The following KMT2C variants were observed in gnomAD, a reference collection of about 807,000 sequenced individuals.
KMT2C encodes the protein lysine methyltransferase 2C, also known as histone-lysine N-methyltransferase 2C.
KMT2C carries 88 observed loss-of-function variants against 507.9 expected under a neutral mutation model. That is an observed-to-expected ratio of 0.17 (90% CI 0.15 to 0.21). The LOEUF (loss-of-function observed/expected upper bound fraction) is 0.21. KMT2C is among the 10% of genes least tolerant of loss of function. The probability of loss-of-function intolerance (pLI) is 1.00; values close to 1 mark genes in which losing one functional copy is unlikely to be tolerated. For synonymous variants in KMT2C, 2,049 were observed against 2,080.8 expected (o/e 0.98, Z 0.42); for missense variants, 4,954 against 5,957.8 (o/e 0.83, Z 5.55).
At chr7:152,297,450 T>G (rs1046171134) in intron 6 of KMT2C, among the ~76,000 whole-genome samples, 3 of 152,092 alleles carry the variant, frequency 2.0e-5, no homozygotes, top group Admixed American at 2.0e-4. Context: ...ATGAGGAAAC[T>G]ATGAGAATCC....
chr7:152,138,991 G>T lies in KMT2C; in HGVS notation c.14535-87C>A. 2.7e-6 allele frequency: 3 copies of T among 1,128,534 alleles called. No homozygotes were observed. Among genetic ancestry groups the T allele is most frequent in the South Asian group, 1.3e-5 (1 of 77,356 alleles). The allele number at this position is 1,128,534 out of a possible 1,614,324, so 69.9% of individuals were successfully genotyped here. A position where few individuals can be genotyped will look rare whatever the true frequency, so the allele number is the denominator to read the frequency against. On this transcript the variant is annotated intron_variant, in intron 57 of 58. Coordinates refer to ENST00000262189, the MANE Select transcript of KMT2C (RefSeq NM_170606.3). This position sits in a 1 kb window ranked among gnomAD's most constrained non-coding sequence, Gnocchi z 4.2. ...CCCATTTATTGATAAAGCAGTTTTT[G>T]CTAATTAAATTTCTATTTGCCCATT...
At chr7:152,416,835 T>C (rs997422720) in intron 1 of KMT2C, among the ~76,000 whole-genome samples, 5 of 151,086 alleles carry the variant, frequency 3.3e-5, no homozygotes, top group Middle Eastern at 3.4e-3. Flanking sequence ...GCAGGTCACT[T>C]GAGACAGGAG....
rs2094857425 is a variant in KMT2C at position 152,224,073 on chromosome 7, C to G, written c.3265G>C (p.Val1089Leu). Reference protein sequence around the residue: ...APCASLSSCPVCYRNYREEDL... With the variant: ...APCASLSSCPLCYRNYREEDL... ...TCTTCTCTATAGTTTCGATAGCAGACTGGACAGGAAGATAAGCTTGCACAA... is the reference window on the plus strand; with the variant it reads ...TCTTCTCTATAGTTTCGATAGCAGAGTGGACAGGAAGATAAGCTTGCACAA... Residue 1089 changes from valine (V) to leucine (L), a missense_variant, in exon 20 of 59, where the codon GTC becomes CTC. Val to Leu is a conservative substitution (Grantham distance 32). Coordinates refer to ENST00000262189, the MANE Select transcript of KMT2C (RefSeq NM_170606.3). The G allele has an allele frequency of 6.2e-7, 1 of 1,611,172 alleles. No individual in the cohort carries two copies. The highest frequency in any genetic ancestry group is 1.1e-5 in the South Asian group (1 of 90,962).
chr7:152,409,868 G>A (rs2097663321), intron 1 of KMT2C, among the ~76,000 whole-genome samples: 1 of 151,840 alleles, frequency 6.6e-6, no homozygotes, highest in South Asian at 2.1e-4. Context: ...CCTCAAACTT[G>A]CAATGCTATA....
chr7:152,221,288 G>C (rs980227000), intron 22 of KMT2C, among the ~76,000 whole-genome samples: 7 of 152,126 alleles, frequency 4.6e-5, no homozygotes, highest in African/African-American at 1.4e-4. Context: ...CTATTTTCAT[G>C]TCCCAATAAA....
rs1255885007 is a variant in KMT2C, at chr7:152,135,915, G to A, written c.*917C>T. 1 of 230,534 alleles carries A rather than the reference G, an allele frequency of 4.3e-6. No individual in the cohort carries two copies. Among genetic ancestry groups the A allele is most frequent in the Non-Finnish European group, 8.6e-6 (1 of 116,318 alleles). The allele number at this position is 230,534 out of a possible 1,614,324, so 14.3% of individuals were successfully genotyped here. The stretch of plus-strand genomic sequence containing the variant: ...CCCAACACTCTAGGTTGAAATTTTG[G>A]TTATTACATAATTATAATGGCATAT... On this transcript the variant is annotated 3_prime_UTR_variant, in exon 59 of 59. Coordinates refer to ENST00000262189, the MANE Select transcript of KMT2C (RefSeq NM_170606.3).
At chr7:152,261,661 A>C (rs971664897) in intron 9 of KMT2C, among the ~76,000 whole-genome samples, 5 of 152,362 alleles carry the variant, frequency 3.3e-5, no homozygotes, top group African/African-American at 1.2e-4. Flanking sequence ...GGCTTCAGCC[A>C]AAGCTACAGC....
chr7:152,165,741 T>G (rs1412350504), intron 42 of KMT2C, among the ~76,000 whole-genome samples: 1 of 152,156 alleles, frequency 6.6e-6, no homozygotes, highest in Non-Finnish European at 1.5e-5. Context: ...CAGGCTGGAG[T>G]GCAATGGTGC....
At chr7:152,199,593 A>G in intron 26 of KMT2C, 134 bp from the exon 27 acceptor site, 1 of 446,298 alleles carries the variant, frequency 2.2e-6, no homozygotes, top group Non-Finnish European at 3.9e-6. Context: ...AACTGAATAC[A>G]GAAGTATTAA....
chr7:152,174,290 G>T (rs12537188), intron 38 of KMT2C, 48 bp from the exon 39 acceptor site: 1 of 896,684 alleles, frequency 1.1e-6, no homozygotes, highest in Non-Finnish European at 1.8e-6. Flanking sequence ...TTAGTTCAAC[G>T]TACACTAAGA....
At chr7:152,356,991 T>C (rs2097157773) in intron 2 of KMT2C, among the ~76,000 whole-genome samples, 1 of 151,384 alleles carries the variant, frequency 6.6e-6, no homozygotes, top group South Asian at 2.1e-4. Flanking sequence ...CCCAGCACTT[T>C]GGGAGGTGGG....
intron 9 of KMT2C, among the ~76,000 whole-genome samples, chr7:152,256,875 G>C (rs1479840663): frequency 6.6e-6 from 1 of 152,068 alleles, no homozygotes; most frequent in Non-Finnish European, 1.5e-5. Flanking sequence ...TAGCAAAGAC[G>C]TAAGAAAAGT....
intron 6 of KMT2C, among the ~76,000 whole-genome samples, chr7:152,280,908 T>C (rs926249754): frequency 2.0e-5 from 3 of 152,094 alleles, no homozygotes; most frequent in African/African-American, 7.2e-5. Context: ...GAAGTAAAAA[T>C]GTAAATATTT....
intron 6 of KMT2C, among the ~76,000 whole-genome samples, chr7:152,283,496 T>G (rs942590650): frequency 6.6e-6 from 1 of 152,174 alleles, no homozygotes; most frequent in African/African-American, 2.4e-5. Flanking sequence ...TAGTCCAAAT[T>G]TGAAACTAAC....
chr7:152,194,298 GCTA>G (rs1407372161), intron 29 of KMT2C, 37 bp from the exon 30 acceptor site: 3 of 1,358,190 alleles, frequency 2.2e-6, no homozygotes, highest in Non-Finnish European at 3.0e-6. Flanking sequence ...AACATTAACA[GCTA>G]CTAATTCAAT....
At chr7:152,214,747 C>T (rs914984791) in intron 23 of KMT2C, among the ~76,000 whole-genome samples, 12 of 141,116 alleles carry the variant, frequency 8.5e-5, no homozygotes, top group Non-Finnish European at 1.2e-4. Context: ...TGGTAGGCAG[C>T]GGGGTGAGAA....
In KMT2C at chr7:152,271,558, A is replaced by G. The variant is rs565284605; in HGVS notation, c.1012+2147T>C. Among the ~76,000 whole-genome samples, 6 of 151,790 alleles carry G rather than the reference A, an allele frequency of 4.0e-5. No homozygotes were observed. In the South Asian group the frequency reaches 1.0e-3, roughly 26 times the overall value. ...TGTGATGGTATGCGCCTGTAATCCC[A>G]GCTACTTGGGAGGCTGAGGCAGGAG... On this transcript the variant is annotated intron_variant, in intron 7 of 58. Transcript: ENST00000262189.
chr7:152,266,023 C>G (rs535318064), intron 7 of KMT2C, among the ~76,000 whole-genome samples: 40 of 152,402 alleles, frequency 2.6e-4, no homozygotes, highest in Non-Finnish European at 4.8e-4. Flanking sequence ...ATAATGTATT[C>G]TAAAATCATA....
chr7:152,188,582 A>T (rs2129125606), intron 31 of KMT2C, among the ~76,000 whole-genome samples: 1 of 150,928 alleles, frequency 6.6e-6, no homozygotes, highest in South Asian at 2.1e-4. Flanking sequence ...TACCAAAAAA[A>T]AAAAAAAATC....
Sources: gnomAD v4.1 joint callset for allele counts (sites outside exome capture counted in the v4.1 genomes callset) on GRCh38, gnomAD v4.1.1 for gene constraint, Gnocchi (gnomAD v3.1) non-coding constraint, MANE v1.5 for transcripts, NCBI Gene and HGNC (gene_info 2026-07-23, HGNC 2026-07-21) for gene names.